Variants in UTRN observed in about 807,000 individuals in gnomAD.
UTRN encodes dystrophin-related protein 1.
In UTRN, 283 loss-of-function variants were observed where a neutral mutation model predicts 463.9. The ratio of observed to expected loss-of-function variants is 0.61; its 90% CI spans 0.55 to 0.67. The LOEUF is 0.67. Among genes scored for constraint, UTRN ranks in the 30% least tolerant of loss-of-function variants. The probability of loss-of-function intolerance (pLI) is 0.00; values close to 1 mark genes in which losing one functional copy is unlikely to be tolerated. For synonymous variants in UTRN, 1,442 were observed against 1,431.5 expected (o/e 1.01, Z -0.17); for missense variants, 3,922 against 4,084.3 (o/e 0.96, Z 1.08).
chr6:144,766,907 G>A (rs1428332415), intron 58 of UTRN, among the ~76,000 whole-genome samples: 1 of 152,070 alleles, frequency 6.6e-6, no homozygotes, highest in African/African-American at 2.4e-5. Context: ...AAATCATTGG[G>A]AAGAATTGGC....
At chr6:144,580,052 G>T (rs538170866) in intron 51 of UTRN, among the ~76,000 whole-genome samples, 2 of 152,294 alleles carry the variant, frequency 1.3e-5, no homozygotes, top group African/African-American at 4.8e-5. Flanking sequence ...TGAGGCAAGA[G>T]AATTTTAATT....
At chr6:144,463,423 G>C (rs1584887611) in intron 23 of UTRN, among the ~76,000 whole-genome samples, 1 of 152,174 alleles carries the variant, frequency 6.6e-6, no homozygotes, top group East Asian at 1.9e-4. Flanking sequence ...GGATAAATGT[G>C]AGGATGTATA....
intron 52 of UTRN, among the ~76,000 whole-genome samples, chr6:144,687,254 T>C (rs1782868773): frequency 1.3e-5 from 2 of 152,112 alleles, no homozygotes; most frequent in Non-Finnish European, 2.9e-5. Context: ...GGTTGTTTCC[T>C]GGTGTTGGTA....
intron 45 of UTRN, 89 bp downstream of exon 45, chr6:144,539,532 T>A: frequency 7.1e-7 from 1 of 1,401,302 alleles, no homozygotes; most frequent in Non-Finnish European, 9.5e-7. Context: ...TACTTTCAAG[T>A]ATGTCCAAAT....
At chr6:144,417,077 T>A (rs1784419034) in intron 3 of UTRN, among the ~76,000 whole-genome samples, 1 of 152,204 alleles carries the variant, frequency 6.6e-6, no homozygotes, top group Non-Finnish European at 1.5e-5. Context: ...AGTTTACAGC[T>A]TGTGATACCA....
At chr6:144,782,757 C>T (rs1775956281) in intron 61 of UTRN, among the ~76,000 whole-genome samples, 1 of 152,036 alleles carries the variant, frequency 6.6e-6, no homozygotes, top group African/African-American at 2.4e-5. Context: ...AACTCATTTG[C>T]CATTAATTTG....
chr6:144,755,748 C>G (rs992175217), intron 57 of UTRN, among the ~76,000 whole-genome samples: 6 of 152,006 alleles, frequency 3.9e-5, no homozygotes, highest in Non-Finnish European at 7.4e-5. Flanking sequence ...GCTTATTTCT[C>G]AATTATGACA....
intron 46 of UTRN, among the ~76,000 whole-genome samples, chr6:144,547,560 G>C (rs1383800941): frequency 6.6e-6 from 1 of 152,070 alleles, no homozygotes; most frequent in Non-Finnish European, 1.5e-5. Flanking sequence ...TCATTTCCCT[G>C]CTGCAGCCGT....
At chr6:144,315,379 A>C (rs1008514276) in intron 2 of UTRN, among the ~76,000 whole-genome samples, 1 of 152,150 alleles carries the variant, frequency 6.6e-6, no homozygotes, top group Non-Finnish European at 1.5e-5. Context: ...TGTGGGCAGC[A>C]CTGTGGTGAG....
At chr6:144,846,657 C>T in intron 73 of UTRN, 148 bp from the exon 74 acceptor site, 2 of 1,056,768 alleles carry the variant, frequency 1.9e-6, no homozygotes, top group Non-Finnish European at 2.7e-6. Flanking sequence ...AAATGTGTTT[C>T]TTGTTTTTCC....
chr6:144,813,419 C>T (rs1051137017), intron 65 of UTRN, among the ~76,000 whole-genome samples: 2 of 152,108 alleles, frequency 1.3e-5, no homozygotes, highest in African/African-American at 4.8e-5. Flanking sequence ...GATCTCCTGA[C>T]CTCGTGATCC....
intron 69 of UTRN, among the ~76,000 whole-genome samples, chr6:144,833,716 G>C (rs1780865824): frequency 1.3e-5 from 2 of 152,152 alleles, no homozygotes; most frequent in African/African-American, 4.8e-5. Flanking sequence ...AACTTGGTGA[G>C]GTGCCTCCAG....
chr6:144,489,375 C>G (rs1380406974), intron 30 of UTRN, among the ~76,000 whole-genome samples: 1 of 152,154 alleles, frequency 6.6e-6, no homozygotes, highest in Non-Finnish European at 1.5e-5. Context: ...TCTCAAACTC[C>G]TGACTTCAGG....
In UTRN at chr6:144,732,243, T is replaced by TATATATACAC. The variant is rs1788668833; in HGVS notation, c.7939+1764_7939+1765insCACATATATA. 3.0e-5 allele frequency among the ~76,000 whole-genome samples: 3 copies of TATATATACAC among 100,970 alleles called. No individual in the cohort carries two copies. In the Admixed American group the frequency reaches 3.0e-4, roughly 10 times the overall value. 66.2% of individuals were successfully genotyped at this position (100,970 alleles called of 152,430 possible). A position where few individuals can be genotyped will look rare whatever the true frequency, so the allele number is the denominator to read the frequency against. ...ATATATATATATATATATATACATA[T>TATATATACAC]ATATATATATATATACACACATATA... On this transcript the variant is annotated intron_variant, in intron 54 of 74. Transcript: ENST00000367545.
intron 32 of UTRN, 105 bp from the exon 33 acceptor site, chr6:144,493,196 T>A: frequency 9.3e-7 from 1 of 1,074,388 alleles, no homozygotes; most frequent in Non-Finnish European, 1.3e-6. Context: ...ATCACCATAG[T>A]TAGGTCTTGG....
At chr6:144,461,062 T>C in intron 21 of UTRN, 135 bp from the exon 22 acceptor site, 1 of 627,170 alleles carries the variant, frequency 1.6e-6, no homozygotes, top group Non-Finnish European at 2.4e-6. Flanking sequence ...ATGTTGTTAA[T>C]TAACAGAGAC....
intron 23 of UTRN, among the ~76,000 whole-genome samples, chr6:144,469,247 C>T (rs538172273): frequency 6.6e-6 from 1 of 152,306 alleles, no homozygotes; most frequent in African/African-American, 2.4e-5. Context: ...GCTGTTCATT[C>T]CTGTGGTGCC....
In UTRN at chr6:144,430,458, G is replaced by A. The variant is rs1408064266; in HGVS notation, c.855+717G>A. On this transcript the variant is annotated intron_variant, in intron 9 of 74. Transcript: ENST00000367545. The stretch of plus-strand genomic sequence containing the variant: ...AGAAGTCACTTGGTTCAACATTCTA[G>A]TGACCAAGCAACCAAGACATACATG... 2.1e-4 allele frequency among the ~76,000 whole-genome samples: 32 copies of A among 152,100 alleles called. 1 individual carries two copies. The highest frequency in any genetic ancestry group is 4.7e-4 in the Non-Finnish European group (32 of 68,006).
chr6:144,551,195 T>C (rs1798884130), intron 48 of UTRN, 113 bp downstream of exon 48: 1 of 630,174 alleles, frequency 1.6e-6, no homozygotes, highest in African/African-American at 1.9e-5. Flanking sequence ...ATTATTCAAC[T>C]AGAAAGTAAT....
Sources: gnomAD v4.1 joint callset for allele counts (sites outside exome capture counted in the v4.1 genomes callset) on GRCh38, gnomAD v4.1.1 for gene constraint, MANE v1.5 for transcripts, NCBI Gene and HGNC (gene_info 2026-07-23, HGNC 2026-07-21) for gene names.